GRID2: variants seen among roughly 807,000 people sequenced by gnomAD.
GRID2 encodes the protein glutamate receptor ionotropic, delta-2.
A neutral mutation model predicts 114.8 loss-of-function variants in GRID2; 33 were observed. The ratio of observed to expected loss-of-function variants is 0.29; its 90% CI spans 0.22 to 0.38. GRID2 has a LOEUF of 0.38. GRID2 is among the 10% of genes least tolerant of loss of function. The pLI is 1.00. For synonymous variants in GRID2, 505 were observed against 449.9 expected, an observed-to-expected ratio of 1.12 and a Z score of -1.55; for missense variants, 1,184 against 1,257.7, an observed-to-expected ratio of 0.94 and a Z score of 0.89.
chr4:93,363,194 A>T (rs1484365362), intron 8 of GRID2, among the ~76,000 whole-genome samples: 1 of 152,076 alleles, frequency 6.6e-6, no homozygotes, highest in Non-Finnish European at 1.5e-5. Flanking sequence ...TCCAGCCTGG[A>T]CGACAGAGTG....
chr4:93,031,744 CT>C (rs869302929), intron 2 of GRID2, among the ~76,000 whole-genome samples: 385 of 142,568 alleles, frequency 2.7e-3, no homozygotes, highest in Middle Eastern at 3.8e-3. Flanking sequence ...TCAATTAAAC[CT>C]TTTTTTTTTT....
chr4:92,616,653 T>C (rs982580727), intron 2 of GRID2, among the ~76,000 whole-genome samples: 49 of 150,774 alleles, frequency 3.2e-4, no homozygotes, highest in African/African-American at 1.1e-3. Flanking sequence ...TTCTTTGTTT[T>C]TTTCCTCAAA....
At chr4:92,651,377 G>T (rs1731923153) in intron 2 of GRID2, among the ~76,000 whole-genome samples, 1 of 151,974 alleles carries the variant, frequency 6.6e-6, no homozygotes, top group Non-Finnish European at 1.5e-5. Context: ...GGAAGTCTGT[G>T]TTGCTCATAC....
intron 2 of GRID2, among the ~76,000 whole-genome samples, chr4:92,670,804 G>A (rs1002608442): frequency 4.6e-5 from 7 of 151,990 alleles, no homozygotes. Flanking sequence ...GAAAACCGGG[G>A]CTTAGAGAGG....
intron 13 of GRID2, among the ~76,000 whole-genome samples, chr4:93,556,758 T>C (rs1734357496): frequency 6.6e-6 from 1 of 152,064 alleles, no homozygotes; most frequent in South Asian, 2.1e-4. Flanking sequence ...ACCACAATGA[T>C]ACGCCTCGAG....
intron 2 of GRID2, among the ~76,000 whole-genome samples, chr4:92,767,062 G>T (rs1738302414): frequency 6.6e-6 from 1 of 152,092 alleles, no homozygotes. Context: ...TTGGTCAATG[G>T]GATATGAAAG....
chr4:93,807,600 T>C (rs1192912555), exon 2 of GRID2: 1 of 152,198 alleles, frequency 6.6e-6, no homozygotes, highest in African/African-American at 2.4e-5. Flanking sequence ...CAAAGATCAC[T>C]TGGATCTTAG....
intron 2 of GRID2, among the ~76,000 whole-genome samples, chr4:92,950,606 T>A (rs1018037108): frequency 2.6e-5 from 4 of 152,178 alleles, no homozygotes; most frequent in African/African-American, 9.6e-5. Flanking sequence ...TCACAGATAG[T>A]TCTTCATAGC....
At chr4:92,505,003 A>G (rs1448370246) in intron 1 of GRID2, among the ~76,000 whole-genome samples, 1 of 152,024 alleles carries the variant, frequency 6.6e-6, no homozygotes, top group African/African-American at 2.4e-5. Context: ...CATTTTATTA[A>G]TTAAACCGTC....
At chr4:93,015,623 G>A (rs1218572344) in intron 2 of GRID2, among the ~76,000 whole-genome samples, 1 of 152,022 alleles carries the variant, frequency 6.6e-6, no homozygotes, top group Non-Finnish European at 1.5e-5. Flanking sequence ...AATCCTCACA[G>A]CAACATCAGG....
At chr4:93,290,343 T>G (rs911502166) in intron 8 of GRID2, among the ~76,000 whole-genome samples, 1 of 152,154 alleles carries the variant, frequency 6.6e-6, no homozygotes, top group African/African-American at 2.4e-5. Context: ...TAGGAGATGA[T>G]TCTGATTTTT....
rs545759877 is a variant in GRID2, at chr4:92,630,180, T to A, written c.244+39894T>A. Among the ~76,000 whole-genome samples the A allele has an allele frequency of 2.0e-5, 3 of 152,252 alleles. No individual in the cohort carries two copies. The South Asian group carries it at 6.2e-4, about 32-fold the overall frequency. On this transcript the variant is annotated intron_variant, in intron 2 of 15. Transcript: ENST00000282020. Reference sequence around the variant, plus strand: ...ATAAGGAAATCACTGTTGAACATGGTGTAGCCGTTATCTACTGCTCTGATT... The same window carrying A: ...ATAAGGAAATCACTGTTGAACATGGAGTAGCCGTTATCTACTGCTCTGATT...
At chr4:92,864,197 C>T (rs924322911) in intron 2 of GRID2, among the ~76,000 whole-genome samples, 1 of 152,194 alleles carries the variant, frequency 6.6e-6, no homozygotes, top group Admixed American at 6.5e-5. Flanking sequence ...AAGATCAACA[C>T]ATTGAAGACT....
At chr4:93,371,311 T>G (rs1190965370) in intron 8 of GRID2, among the ~76,000 whole-genome samples, 2 of 152,086 alleles carry the variant, frequency 1.3e-5, no homozygotes, top group Non-Finnish European at 2.9e-5. Flanking sequence ...GCTCAAGCAA[T>G]GCCATTAGGG....
At chr4:92,863,416 C>A (rs986352554) in intron 2 of GRID2, among the ~76,000 whole-genome samples, 1 of 152,180 alleles carries the variant, frequency 6.6e-6, no homozygotes, top group African/African-American at 2.4e-5. Context: ...AAATACTTAA[C>A]CTGTTCCCCT....
intron 1 of GRID2, among the ~76,000 whole-genome samples, chr4:92,409,685 T>C (rs559593112): frequency 6.6e-6 from 1 of 152,328 alleles, no homozygotes; most frequent in Non-Finnish European, 1.5e-5. Flanking sequence ...TAAAATATTC[T>C]ATACCTTCCT....
chr4:93,202,266 T>A (rs1018447457), intron 4 of GRID2, among the ~76,000 whole-genome samples: 1 of 152,140 alleles, frequency 6.6e-6, no homozygotes, highest in Non-Finnish European at 1.5e-5. Flanking sequence ...AATCGAAAAC[T>A]TTTTGAAATT....
intron 3 of GRID2, among the ~76,000 whole-genome samples, chr4:93,107,536 T>G (rs1279439049): frequency 6.6e-6 from 1 of 152,114 alleles, no homozygotes; most frequent in Non-Finnish European, 1.5e-5. Flanking sequence ...GATCAATTTA[T>G]TTATTAAAAA....
At chr4:92,661,504 T>C (rs975158172) in intron 2 of GRID2, among the ~76,000 whole-genome samples, 1 of 150,976 alleles carries the variant, frequency 6.6e-6, no homozygotes, top group Non-Finnish European at 1.5e-5. Flanking sequence ...GAGAATGAGC[T>C]ATGTGCCTCA....
Sources: allele counts gnomAD v4.1 joint callset (sites outside exome capture counted in the v4.1 genomes callset), GRCh38; gene constraint gnomAD v4.1.1; transcripts MANE v1.5; gene names NCBI Gene and HGNC (gene_info 2026-07-23, HGNC 2026-07-21).